AGK: variants seen among roughly 807,000 people sequenced by gnomAD.
AGK encodes the protein acylglycerol kinase, mitochondrial.
AGK carries 52 observed loss-of-function variants against 66.4 expected under a neutral mutation model. The observed-to-expected ratio is 0.78, with a 90% CI of 0.63 to 0.99. The LOEUF (loss-of-function observed/expected upper bound fraction) is 0.99. Ranked by LOEUF, AGK falls within the 50% of genes least tolerant of loss-of-function variation. AGK has a pLI of 0.00. For missense variants in AGK, 451 were observed against 506.6 expected (o/e 0.89, Z 1.05); for synonymous variants, 182 against 181.1 (o/e 1.00, Z -0.04).
chr7:141,551,747 G>A (rs1795091737), intron 1 of AGK, among the ~76,000 whole-genome samples: 1 of 152,192 alleles, frequency 6.6e-6, no homozygotes, highest in South Asian at 2.1e-4. Flanking sequence ...CCCTCACTTC[G>A]TCCCTTGGGC....
At chr7:141,595,464 T>C (rs575740797) in intron 3 of AGK, among the ~76,000 whole-genome samples, 4 of 152,088 alleles carry the variant, frequency 2.6e-5, no homozygotes, top group Non-Finnish European at 5.9e-5. Flanking sequence ...AAAAAAAGTA[T>C]TTTTGTTTTT....
At chr7:141,564,569 T>C (rs1388851655) in intron 2 of AGK, among the ~76,000 whole-genome samples, 2 of 152,224 alleles carry the variant, frequency 1.3e-5, no homozygotes, top group Admixed American at 1.3e-4. Flanking sequence ...TTATGGGAAC[T>C]GTAGTTCAGG....
intron 2 of AGK, among the ~76,000 whole-genome samples, chr7:141,577,384 A>T (rs1214072615): frequency 6.6e-6 from 1 of 152,186 alleles, no homozygotes; most frequent in East Asian, 1.9e-4. Flanking sequence ...TGCCACTCAG[A>T]CTATGTTTAA....
intron 2 of AGK, among the ~76,000 whole-genome samples, chr7:141,589,281 A>T: frequency 6.6e-6 from 1 of 152,216 alleles, no homozygotes; most frequent in East Asian, 1.9e-4. Flanking sequence ...TGTTACAAAG[A>T]TTAAAGGTTT....
At chr7:141,576,308 G>A (rs1379664767) in intron 2 of AGK, among the ~76,000 whole-genome samples, 1 of 152,090 alleles carries the variant, frequency 6.6e-6, no homozygotes, top group Non-Finnish European at 1.5e-5. Flanking sequence ...GGAAGGAGAA[G>A]GGATTCTTAT....
In AGK at chr7:141,648,836, G is replaced by C. The variant is rs368946365; in HGVS notation, c.976-427G>C. 1.2e-4 allele frequency among the ~76,000 whole-genome samples: 19 copies of C among 152,250 alleles called. No individual in the cohort carries two copies. The East Asian group carries it at 3.3e-3, about 26-fold the overall frequency. On this transcript the variant is annotated intron_variant, in intron 13 of 15. Transcript: ENST00000649286. ...GAGCATTAAAGAAGCACAGGCACTT[G>C]GGCTCTCCACACCAAGCAGCCGATT...
At chr7:141,560,337 A>T (rs548357556) in intron 2 of AGK, among the ~76,000 whole-genome samples, 1 of 151,528 alleles carries the variant, frequency 6.6e-6, no homozygotes, top group South Asian at 2.1e-4. Flanking sequence ...TTTATACCAA[A>T]CTTGTTTTTA....
rs528874262 is a variant in AGK, at chr7:141,583,493, C to T, written c.102-9653C>T. ...TAGAGACACGAAGAGAAGGGGTGGG[C>T]GGTGCTTGCCCCCCAGGAAAGTGGA... is the stretch of plus-strand genomic sequence containing the variant. On this transcript the variant is annotated intron_variant, in intron 2 of 15. Transcript: ENST00000649286. 2.6e-3 allele frequency among the ~76,000 whole-genome samples: 168 copies of T among 65,350 alleles called. 4 individuals are homozygous for T. Among genetic ancestry groups the T allele is most frequent in the African/African-American group, 0.01 (158 of 15,288 alleles). 42.9% of individuals were successfully genotyped at this position (65,350 alleles called of 152,430 possible). A position where few individuals can be genotyped will look rare whatever the true frequency, so the allele number is the denominator to read the frequency against.
chr7:141,599,626 T>C (rs1796300349), intron 4 of AGK, among the ~76,000 whole-genome samples: 1 of 152,168 alleles, frequency 6.6e-6, no homozygotes, highest in East Asian at 1.9e-4. Context: ...AGAATTTTGC[T>C]TTTAGGAAAT....
At chr7:141,630,991 G>T (rs989705375) in intron 9 of AGK, among the ~76,000 whole-genome samples, 1 of 152,112 alleles carries the variant, frequency 6.6e-6, no homozygotes, top group Non-Finnish European at 1.5e-5. Flanking sequence ...CTGAGTAGGG[G>T]TTCCATCAAT....
intron 2 of AGK, among the ~76,000 whole-genome samples, chr7:141,561,664 G>A (rs190675690): frequency 2.0e-5 from 3 of 151,878 alleles, no homozygotes; most frequent in African/African-American, 7.2e-5. Flanking sequence ...TGGAGTGCCA[G>A]TAGGGAACAA....
At chr7:141,585,169 CG>C (rs1385945994) in intron 2 of AGK, among the ~76,000 whole-genome samples, 2 of 152,144 alleles carry the variant, frequency 1.3e-5, no homozygotes, top group Admixed American at 6.5e-5. Flanking sequence ...GAGATTCTGT[CG>C]GCCGAAAAGA....
intron 2 of AGK, among the ~76,000 whole-genome samples, chr7:141,579,332 A>C (rs1326501302): frequency 6.6e-6 from 1 of 152,068 alleles, no homozygotes; most frequent in Non-Finnish European, 1.5e-5. Context: ...GGTTTCACTG[A>C]ATAACAAGAG....
intron 5 of AGK, among the ~76,000 whole-genome samples, chr7:141,609,246 G>A (rs1796526919): frequency 6.6e-6 from 1 of 152,042 alleles, no homozygotes; most frequent in African/African-American, 2.4e-5. Context: ...TGATACCAAC[G>A]CCTGGAGTTA....
At chr7:141,570,785 C>T (rs1795588298) in intron 2 of AGK, among the ~76,000 whole-genome samples, 1 of 151,886 alleles carries the variant, frequency 6.6e-6, no homozygotes, top group Non-Finnish European at 1.5e-5. Flanking sequence ...AACAAAAATT[C>T]TTTTATCTAA....
In AGK at chr7:141,621,763, A is replaced by C; in HGVS notation, c.550A>C (p.Lys184Gln). 1.2e-6 allele frequency: 2 copies of C among 1,613,608 alleles called. No homozygotes were observed. Among genetic ancestry groups the C allele is most frequent in the Non-Finnish European group, 1.7e-6 (2 of 1,179,714 alleles). ...HITDATLAIV[K>Q]GETVPLDVLQ... ...TACTGATGCCACACTTGCCATTGTG[A>C]AAGGAGAGACAGTTCCACTTGATGT... Residue 184 changes from lysine to glutamine, a missense_variant, in exon 9 of 16, where the codon AAA becomes CAA. Coordinates refer to ENST00000649286, the MANE Select transcript of AGK (RefSeq NM_018238.4).
intron 11 of AGK, among the ~76,000 whole-genome samples, chr7:141,639,468 C>T (rs898723061): frequency 1.3e-4 from 20 of 152,172 alleles, no homozygotes; most frequent in Admixed American, 3.9e-4. Context: ...AATCCAAGAG[C>T]GGGTAGAAGG....
chr7:141,575,539 G>C lies in AGK; in HGVS notation c.102-17607G>C, dbSNP rs140732670. ...CATATATTTGTTTCAGGGGTTTCAG[G>C]GTGTGTAGAGAGGTTGACAAGCATT... On this transcript the variant is annotated intron_variant, in intron 2 of 15. Coordinates refer to ENST00000649286, the MANE Select transcript of AGK (RefSeq NM_018238.4). Among the ~76,000 whole-genome samples the C allele has an allele frequency of 1.1e-3, 162 of 151,952 alleles. No individual in the cohort carries two copies. In the Middle Eastern group the frequency reaches 0.021, roughly 20 times the overall value.
intron 5 of AGK, among the ~76,000 whole-genome samples, chr7:141,603,084 T>C (rs1051212955): frequency 7.2e-5 from 11 of 152,312 alleles, no homozygotes; most frequent in South Asian, 6.2e-4. Context: ...GTTGTATCTA[T>C]GCCTAAAAAT....
Sources: gnomAD v4.1 joint callset for allele counts (sites outside exome capture counted in the v4.1 genomes callset) on GRCh38, gnomAD v4.1.1 for gene constraint, MANE v1.5 for transcripts, NCBI Gene and HGNC (gene_info 2026-07-23, HGNC 2026-07-21) for gene names.